The following ANOS1 variants were observed in gnomAD, a reference collection of about 807,000 sequenced individuals.
ANOS1 encodes the protein anosmin 1, also known as anosmin-1.
In ANOS1, 6 loss-of-function variants were observed where a neutral mutation model predicts 59.0. The observed-to-expected ratio is 0.10, with a 90% CI of 0.06 to 0.20. ANOS1 has a LOEUF of 0.20. Among genes scored for constraint, ANOS1 ranks in the 10% least tolerant of loss-of-function variants. The pLI is 1.00. For synonymous variants in ANOS1, 217 were observed against 223.4 expected (o/e 0.97, Z 0.25); for missense variants, 433 against 542.3 (o/e 0.80, Z 2.00).
chrX:8,707,455 C>T (rs755214650), intron 1 of ANOS1, among the ~76,000 whole-genome samples: 3 of 111,057 alleles, frequency 2.7e-5, no homozygotes, highest in Admixed American at 1.9e-4. Context: ...ATGATGACAC[C>T]GAAAACTGAA....
intron 3 of ANOS1, among the ~76,000 whole-genome samples, chrX:8,598,931 C>T (rs905384749): frequency 1.8e-5 from 2 of 111,479 alleles, no homozygotes; most frequent in African/African-American, 6.5e-5. Context: ...CACTGTGGAC[C>T]GAGGCTTGCA....
chrX:8,556,418 A>T, intron 8 of ANOS1, among the ~76,000 whole-genome samples: 1 of 112,170 alleles, frequency 8.9e-6, no homozygotes, highest in Non-Finnish European at 1.9e-5. Context: ...ACATGATTGT[A>T]TATTTAGAAA....
intron 9 of ANOS1, among the ~76,000 whole-genome samples, chrX:8,543,025 C>T (rs1234467315): frequency 1.8e-5 from 2 of 109,969 alleles, no homozygotes; most frequent in Non-Finnish European, 3.8e-5. Flanking sequence ...GAATCCCTGT[C>T]AACCCCATTT....
chrX:8,545,259 A>C (rs1281555623), intron 9 of ANOS1, among the ~76,000 whole-genome samples: 1 of 83,751 alleles, frequency 1.2e-5, no homozygotes, highest in Non-Finnish European at 2.1e-5. Context: ...TCTCTATGAC[A>C]AAAAAAAAAA....
chrX:8,546,800 A>C (rs776993822), intron 9 of ANOS1, among the ~76,000 whole-genome samples: 1 of 112,186 alleles, frequency 8.9e-6, no homozygotes, highest in Non-Finnish European at 1.9e-5. Context: ...AAGTACTGTT[A>C]GTCATTCAAG....
rs1161977193 is a variant in ANOS1, at chrX:8,544,301, C to T, written c.1355-4543G>A. ...TCACAGCACTAGGGAAGGGGGCACA[C>T]ACTTAGAGAGGTGTCACAGAATGCC... On this transcript the variant is annotated intron_variant, in intron 9 of 13. Coordinates refer to ENST00000262648, the MANE Select transcript of ANOS1 (RefSeq NM_000216.4). Among the ~76,000 whole-genome samples the T allele has an allele frequency of 4.3e-5, 4 of 93,910 alleles. No individual in the cohort carries two copies. The Admixed American group carries it at 4.6e-4, about 11-fold the overall frequency. The allele number at this position is 93,910 out of a possible 115,157, so 81.5% of individuals were successfully genotyped here. A position where few individuals can be genotyped will look rare whatever the true frequency, so the allele number is the denominator to read the frequency against.
chrX:8,638,356 C>T (rs1463267089), intron 2 of ANOS1, among the ~76,000 whole-genome samples: 1 of 112,174 alleles, frequency 8.9e-6, no homozygotes, highest in Admixed American at 9.5e-5. Context: ...AAGAGTCTCC[C>T]TTTACTTTGT....
intron 9 of ANOS1, among the ~76,000 whole-genome samples, chrX:8,541,487 C>CA (rs1303462303): frequency 9.1e-5 from 9 of 98,613 alleles, no homozygotes; most frequent in Non-Finnish European, 1.8e-4. Flanking sequence ...GGTGGATTGA[C>CA]AAAAAGTGCT....
intron 6 of ANOS1, among the ~76,000 whole-genome samples, chrX:8,582,521 T>C (rs1454352402): frequency 9.0e-6 from 1 of 111,488 alleles, no homozygotes; most frequent in Non-Finnish European, 1.9e-5. Flanking sequence ...TTAAAATCCA[T>C]TGTAAAGAAC....
intron 6 of ANOS1, among the ~76,000 whole-genome samples, chrX:8,571,540 C>T (rs1329090596): frequency 9.0e-6 from 1 of 111,696 alleles, no homozygotes; most frequent in Non-Finnish European, 1.9e-5. Flanking sequence ...ATTTTTTATC[C>T]ACATTGCACA....
intron 3 of ANOS1, among the ~76,000 whole-genome samples, chrX:8,601,535 A>G (rs1221860980): frequency 8.9e-6 from 1 of 112,216 alleles, no homozygotes; most frequent in Non-Finnish European, 1.9e-5. Context: ...ACAGTTATGA[A>G]GCATGTGTTC....
intron 1 of ANOS1, among the ~76,000 whole-genome samples, chrX:8,705,168 T>C (rs942099117): frequency 9.0e-6 from 1 of 111,283 alleles, no homozygotes; most frequent in African/African-American, 3.3e-5. Flanking sequence ...CCTTATCTAA[T>C]TGCGGATTGT....
At chrX:8,623,073 T>TGGA (rs1196586736) in intron 3 of ANOS1, among the ~76,000 whole-genome samples, 1 of 111,018 alleles carries the variant, frequency 9.0e-6, no homozygotes, top group Non-Finnish European at 1.9e-5. Context: ...GATGGATGGC[T>TGGA]TGCTGGCTGG....
At chrX:8,571,310 T>C (rs1930229463) in intron 6 of ANOS1, among the ~76,000 whole-genome samples, 1 of 111,055 alleles carries the variant, frequency 9.0e-6, no homozygotes, top group East Asian at 2.8e-4. Flanking sequence ...TGTGCTGAAA[T>C]TGACATATTT....
chrX:8,678,060 A>G (rs143813557), intron 2 of ANOS1, among the ~76,000 whole-genome samples: 213 of 112,354 alleles, frequency 1.9e-3, no homozygotes, highest in African/African-American at 5.8e-3. Context: ...AGCAGCAGGA[A>G]TGACCTGACC....
At position 8,585,280 on chromosome X, in the gene ANOS1, G is replaced by C; in HGVS notation, c.843C>G (p.Phe281Leu). 1 of 1,210,949 alleles carries C rather than the reference G, an allele frequency of 8.3e-7. No homozygotes were observed. The highest frequency in any genetic ancestry group is 1.1e-6 in the Non-Finnish European group (1 of 894,895). ...TRGFTAPSKH[F>L]RSSKDPSAPP... is the part of the protein sequence containing the mutation. ...AGGAAGACTGACCTTTGGAAGAACG[G>C]AAGTGTTTGCTGGGGGCAGTGAAGC... The change falls in exon 6 of 14, where the codon TTC becomes TTG. Residue 281 changes from phenylalanine (F) to leucine (L), a missense_variant. Coordinates refer to ENST00000262648, the MANE Select transcript of ANOS1 (RefSeq NM_000216.4).
chrX:8,568,811 A>T (rs1376336161), intron 7 of ANOS1, among the ~76,000 whole-genome samples: 1 of 111,095 alleles, frequency 9.0e-6, no homozygotes, highest in Non-Finnish European at 1.9e-5. Flanking sequence ...ACAGAGTGAG[A>T]CCCTGTCTCA....
intron 2 of ANOS1, among the ~76,000 whole-genome samples, chrX:8,632,043 C>T (rs1401066726): frequency 9.0e-6 from 1 of 111,689 alleles, no homozygotes; most frequent in East Asian, 2.8e-4. Context: ...ATGTGTGTGC[C>T]TTCGTGGATG....
At chrX:8,535,989 A>C (rs1193458692) in intron 11 of ANOS1, among the ~76,000 whole-genome samples, 178 bp from the exon 12 acceptor site, 1 of 110,480 alleles carries the variant, frequency 9.1e-6, no homozygotes, top group Non-Finnish European at 1.9e-5. Context: ...GGATAGGTTG[A>C]GTAGGAATCT....
Sources: gnomAD v4.1 joint callset for allele counts (sites outside exome capture counted in the v4.1 genomes callset) on GRCh38, gnomAD v4.1.1 for gene constraint, MANE v1.5 for transcripts, NCBI Gene and HGNC (gene_info 2026-07-23, HGNC 2026-07-21) for gene names.